SLC6A20: variants seen among roughly 807,000 people sequenced by gnomAD.
SLC6A20 encodes sodium- and chloride-dependent transporter XTRP3.
A neutral mutation model predicts 64.3 loss-of-function variants in SLC6A20; 73 were observed. That is an observed-to-expected ratio of 1.14 (90% CI 0.94 to 1.38). The LOEUF (loss-of-function observed/expected upper bound fraction) is 1.38. Ranked by LOEUF, SLC6A20 falls within the 40% of genes most tolerant of loss-of-function variation. The probability of loss-of-function intolerance (pLI) is 0.00; values close to 1 mark genes in which losing one functional copy is unlikely to be tolerated. For synonymous variants in SLC6A20, 347 were observed against 329.6 expected, an observed-to-expected ratio of 1.05 and a Z score of -0.57; for missense variants, 725 against 772.8, an observed-to-expected ratio of 0.94 and a Z score of 0.73.
chr3:45,793,166 C>T (rs1278120634), intron 1 of SLC6A20, among the ~76,000 whole-genome samples: 7 of 152,194 alleles, frequency 4.6e-5, no homozygotes, highest in African/African-American at 1.7e-4. Flanking sequence ...GGATGTGGAG[C>T]ATTCCAGTCT....
chr3:45,789,088 G>A (rs575588471), intron 1 of SLC6A20, among the ~76,000 whole-genome samples: 16 of 152,236 alleles, frequency 1.1e-4, no homozygotes, highest in Non-Finnish European at 2.2e-4. Context: ...CTGGAATGGG[G>A]GTGAGGAAAG....
intron 7 of SLC6A20, among the ~76,000 whole-genome samples, chr3:45,766,301 G>A (rs1440714503): frequency 6.6e-6 from 1 of 152,166 alleles, no homozygotes; most frequent in East Asian, 1.9e-4. Context: ...GGGATAATAG[G>A]TTGTGCGTAC....
intron 3 of SLC6A20, among the ~76,000 whole-genome samples, chr3:45,779,784 A>G (rs571800273): frequency 8.5e-5 from 13 of 152,318 alleles, no homozygotes; most frequent in African/African-American, 3.1e-4. Context: ...GCACACTCTC[A>G]CCGGTGGACT....
chr3:45,791,262 A>G (rs1446471502), intron 1 of SLC6A20, among the ~76,000 whole-genome samples: 3 of 152,204 alleles, frequency 2.0e-5, no homozygotes, highest in Admixed American at 6.5e-5. Context: ...TTTATATTAT[A>G]TATTGTTTGT....
intron 10 of SLC6A20, 146 bp downstream of exon 10, chr3:45,759,711 T>A (rs1035368540): frequency 8.9e-7 from 1 of 1,129,484 alleles, no homozygotes; most frequent in East Asian, 2.4e-5. Flanking sequence ...CTGGACTATT[T>A]CTAAAATACC....
intron 7 of SLC6A20, among the ~76,000 whole-genome samples, chr3:45,766,105 G>T (rs1008185431): frequency 6.6e-6 from 1 of 152,228 alleles, no homozygotes; most frequent in African/African-American, 2.4e-5. Flanking sequence ...GACCTGAGGA[G>T]GGAGGGCGGG....
At chr3:45,787,572 C>A (rs772627131) in intron 1 of SLC6A20, among the ~76,000 whole-genome samples, 4 of 152,168 alleles carry the variant, frequency 2.6e-5, no homozygotes, top group Non-Finnish European at 4.4e-5. Flanking sequence ...TTGTTGAATG[C>A]AGGAAAGAAT....
intron 7 of SLC6A20, among the ~76,000 whole-genome samples, chr3:45,769,433 C>A (rs1699823708): frequency 6.7e-6 from 1 of 150,016 alleles, no homozygotes. Context: ...AGAGATAATT[C>A]TGTAAAATAT....
Position 45,759,140 on chromosome 3 carries a change from A to T in SLC6A20, c.1630-13T>A, listed in dbSNP as rs1699613405. On this transcript the variant is annotated splice_polypyrimidine_tract_variant and intron_variant, in intron 10 of 10. Transcript: ENST00000358525. ...TCACGAGCTGGCCCTGAAAGGAGAG[A>T]CTGAGTGTCAGCAGAGAGCACCTGC... 1 of 1,604,506 alleles carries T rather than the reference A, an allele frequency of 6.2e-7. No individual in the cohort carries two copies. The highest frequency in any genetic ancestry group is 1.3e-5 in the African/African-American group (1 of 74,742).
intron 6 of SLC6A20, 26 bp downstream of exon 6, chr3:45,771,191 G>T (rs1699856938): frequency 6.2e-7 from 1 of 1,613,560 alleles, no homozygotes; most frequent in Non-Finnish European, 8.5e-7. Flanking sequence ...GGAGGCCTGG[G>T]ACTCGGTGGG....
rs557189346 is a variant in SLC6A20 at position 45,757,709 on chromosome 3, C to T, written c.*1269G>A. On this transcript the variant is annotated 3_prime_UTR_variant, in exon 11 of 11. Coordinates refer to ENST00000358525, the MANE Select transcript of SLC6A20 (RefSeq NM_020208.4). ...TACACAGACACAGTAACAATCTGAT[C>T]TTTCTTTTCCCCACATGGACTAATG... The T allele has an allele frequency of 1.5e-4, 24 of 158,050 alleles. 1 individual carries two copies. In the South Asian group the frequency reaches 4.5e-3, roughly 30 times the overall value. 9.8% of individuals were successfully genotyped at this position (158,050 alleles called of 1,614,324 possible). A position where few individuals can be genotyped will look rare whatever the true frequency, so the allele number is the denominator to read the frequency against.
chr3:45,785,975 G>A (rs1320304757), intron 1 of SLC6A20, among the ~76,000 whole-genome samples: 1 of 152,168 alleles, frequency 6.6e-6, no homozygotes, highest in African/African-American at 2.4e-5. Context: ...GAGGAGAACC[G>A]AGGGAGACCA....
intron 3 of SLC6A20, among the ~76,000 whole-genome samples, chr3:45,777,313 C>T (rs1010309119): frequency 2.0e-5 from 3 of 151,102 alleles, no homozygotes; most frequent in Non-Finnish European, 3.0e-5. Flanking sequence ...CCTCCACGCC[C>T]ACCCCTGCAA....
At chr3:45,764,944 G>A (rs1699750561) in intron 8 of SLC6A20, among the ~76,000 whole-genome samples, 1 of 150,396 alleles carries the variant, frequency 6.6e-6, no homozygotes, top group Admixed American at 6.6e-5. Flanking sequence ...CAGGTGTGGT[G>A]GCTCACACCT....
At position 45,766,214 on chromosome 3, in the gene SLC6A20, C is replaced by G. The variant is rs77936186; in HGVS notation, c.1099-473G>C. On this transcript the variant is annotated intron_variant, in intron 7 of 10. Transcript: ENST00000358525. ...CGGTCACGTCCCTGTGCTGGTAACT[C>G]TGTTGCGGAAATGTTAAACTATGGA... Among the ~76,000 whole-genome samples the G allele has an allele frequency of 2.9e-3, 435 of 152,290 alleles. 4 individuals carry two copies. Among genetic ancestry groups the G allele is most frequent in the African/African-American group, 9.3e-3 (387 of 41,558 alleles).
intron 8 of SLC6A20, among the ~76,000 whole-genome samples, chr3:45,763,696 C>T (rs1447351895): frequency 2.0e-5 from 3 of 152,184 alleles, no homozygotes; most frequent in African/African-American, 7.2e-5. Flanking sequence ...CCCCGACATC[C>T]CATAGCACAT....
intron 10 of SLC6A20, 49 bp from the exon 11 acceptor site, chr3:45,759,176 C>A: frequency 6.4e-7 from 1 of 1,553,586 alleles, no homozygotes; most frequent in Non-Finnish European, 8.7e-7. Flanking sequence ...TGAGCACTGC[C>A]CCTGGGCCTC....
At chr3:45,777,387 CG>C (rs1559568044) in intron 3 of SLC6A20, among the ~76,000 whole-genome samples, 1 of 152,146 alleles carries the variant, frequency 6.6e-6, no homozygotes, top group Admixed American at 6.5e-5. Context: ...TGACCCATAT[CG>C]TGTTCAAAGC....
At chr3:45,782,305 T>A in intron 1 of SLC6A20, 82 bp from the exon 2 acceptor site, 1 of 1,510,350 alleles carries the variant, frequency 6.6e-7, no homozygotes, top group Middle Eastern at 1.8e-4. Flanking sequence ...CAAACATCCT[T>A]CCATCCTCCT....
Sources: allele counts gnomAD v4.1 joint callset (sites outside exome capture counted in the v4.1 genomes callset), GRCh38; gene constraint gnomAD v4.1.1; transcripts MANE v1.5; gene names NCBI Gene and HGNC (gene_info 2026-07-23, HGNC 2026-07-21).